The following UBAP1 variants were observed in gnomAD, a reference collection of about 807,000 sequenced individuals.
The protein encoded by UBAP1 is ubiquitin-associated protein 1.
In UBAP1, 5 loss-of-function variants were observed where a neutral mutation model predicts 39.0. The observed-to-expected ratio is 0.13, with a 90% CI of 0.07 to 0.27. The LOEUF is 0.27. UBAP1 is among the 10% of genes least tolerant of loss of function. UBAP1 has a pLI of 1.00. For synonymous variants in UBAP1, 211 were observed against 225.1 expected (o/e 0.94, Z 0.56); for missense variants, 490 against 608.1 (o/e 0.81, Z 2.04).
chr9:34,222,572 A>T (rs1386183039), intron 2 of UBAP1, among the ~76,000 whole-genome samples: 1 of 152,080 alleles, frequency 6.6e-6, no homozygotes, highest in Non-Finnish European at 1.5e-5. Context: ...AGGTGAGAGG[A>T]TCGCTTGAGG....
At chr9:34,185,124 G>T (rs1830327024) in intron 1 of UBAP1, among the ~76,000 whole-genome samples, 1 of 151,104 alleles carries the variant, frequency 6.6e-6, no homozygotes, top group Non-Finnish European at 1.5e-5. Flanking sequence ...AGTAGAGATG[G>T]TGTTTCACCT....
At chr9:34,244,126 T>C (rs4008744) in intron 4 of UBAP1, among the ~76,000 whole-genome samples, 106,587 of 152,094 alleles carry the variant, frequency 0.7, 39,395 homozygotes, top group East Asian at 0.95. Context: ...GGATTACAGG[T>C]GTGAGTCACC....
At position 34,204,366 on chromosome 9, in the gene UBAP1, G is replaced by A. The variant is rs146843052; in HGVS notation, c.-7-16542G>A. Among the ~76,000 whole-genome samples the A allele has an allele frequency of 6.1e-4, 92 of 151,986 alleles. 2 individuals carry two copies. Among genetic ancestry groups the A allele is most frequent in the Non-Finnish European group, 9.9e-4 (67 of 67,986 alleles). On this transcript the variant is annotated intron_variant, in intron 1 of 6. Transcript: ENST00000297661. ...GAGGAAAATAGTATCAAATAGTAAG[G>A]ATTTTCTTATAAAAAACAAAAAAAG...
At chr9:34,195,855 C>G (rs994115333) in intron 1 of UBAP1, among the ~76,000 whole-genome samples, 1 of 150,716 alleles carries the variant, frequency 6.6e-6, no homozygotes, top group Non-Finnish European at 1.5e-5. Context: ...CCTCGGCTTC[C>G]CAAAGTGCTG....
chr9:34,212,392 AACAC>A (rs35251034), intron 1 of UBAP1, among the ~76,000 whole-genome samples: 4,557 of 142,196 alleles, frequency 0.032, 152 homozygotes, highest in African/African-American at 0.089. Context: ...TTTCTATTAA[AACAC>A]ACACACACAC....
intron 6 of UBAP1, 80 bp downstream of exon 6, chr9:34,250,839 C>A: frequency 8.2e-7 from 1 of 1,219,676 alleles, no homozygotes; most frequent in Non-Finnish European, 1.2e-6. Flanking sequence ...CCTTGGCCCA[C>A]ACACAACCTT....
At chr9:34,244,145 C>A (rs947895427) in intron 4 of UBAP1, among the ~76,000 whole-genome samples, 1 of 152,174 alleles carries the variant, frequency 6.6e-6, no homozygotes, top group Non-Finnish European at 1.5e-5. Flanking sequence ...CCGCACACAG[C>A]CATTCTTTCT....
chr9:34,212,838 G>A (rs1408330171), intron 1 of UBAP1, among the ~76,000 whole-genome samples: 1 of 152,122 alleles, frequency 6.6e-6, no homozygotes, highest in Non-Finnish European at 1.5e-5. Flanking sequence ...AAGGAACCAT[G>A]CCTAATTCAT....
At chr9:34,243,731 C>G (rs895054605) in intron 4 of UBAP1, among the ~76,000 whole-genome samples, 1 of 151,966 alleles carries the variant, frequency 6.6e-6, no homozygotes, top group Non-Finnish European at 1.5e-5. Flanking sequence ...CTCAAGTGAT[C>G]CACCCGCCTC....
At chr9:34,202,805 A>G (rs1158789357) in intron 1 of UBAP1, among the ~76,000 whole-genome samples, 2 of 152,110 alleles carry the variant, frequency 1.3e-5, no homozygotes, top group African/African-American at 4.8e-5. Flanking sequence ...TAACCTGTCA[A>G]GTTATTTTTG....
intron 3 of UBAP1, among the ~76,000 whole-genome samples, chr9:34,238,189 A>AG (rs1447829903): frequency 6.6e-6 from 1 of 152,234 alleles, no homozygotes; most frequent in African/African-American, 2.4e-5. Flanking sequence ...ATGAGGTATT[A>AG]GTACTTCATT....
At chr9:34,250,843 C>A in intron 6 of UBAP1, 84 bp downstream of exon 6, 1 of 1,191,232 alleles carries the variant, frequency 8.4e-7, no homozygotes, top group Non-Finnish European at 1.2e-6. Context: ...GGCCCACACA[C>A]AACCTTTTTG....
intron 1 of UBAP1, among the ~76,000 whole-genome samples, chr9:34,186,994 G>T (rs1400856331): frequency 6.6e-6 from 1 of 151,968 alleles, no homozygotes; most frequent in Non-Finnish European, 1.5e-5. Context: ...TGCAGCCTCC[G>T]CCTCCTGGGT....
chr9:34,213,436 A>G (rs1166954082), intron 1 of UBAP1, among the ~76,000 whole-genome samples: 1 of 152,062 alleles, frequency 6.6e-6, no homozygotes, highest in Admixed American at 6.6e-5. Flanking sequence ...GCTTGAACCC[A>G]GGAGGTGGAA....
chr9:34,223,765 T>C (rs758908542), intron 2 of UBAP1, among the ~76,000 whole-genome samples: 31 of 152,340 alleles, frequency 2.0e-4, no homozygotes, highest in South Asian at 1.0e-3. Flanking sequence ...CAAAGTGTTA[T>C]TGTTTAAATG....
rs77082385 is a variant in UBAP1 at position 34,225,165 on chromosome 9, T to A, written c.34+4217T>A. Among the ~76,000 whole-genome samples the A allele has an allele frequency of 1.3e-3, 200 of 152,268 alleles. 3 individuals carry two copies. In the East Asian group the frequency reaches 0.028, roughly 21 times the overall value. ...ATGTGGGTAACTTTTCTGTGGCACT[T>A]GGGGTGTGGACAAGGAGGTAATAAC... On this transcript the variant is annotated intron_variant, in intron 2 of 6. Transcript: ENST00000297661.
chr9:34,250,864 G>A (rs1834462812), intron 6 of UBAP1, 105 bp downstream of exon 6: 2 of 906,960 alleles, frequency 2.2e-6, no homozygotes, highest in Admixed American at 2.0e-5. Context: ...CTTTGCCAGT[G>A]ACTACAGGTA....
At chr9:34,188,717 G>A (rs1830551442) in intron 1 of UBAP1, among the ~76,000 whole-genome samples, 1 of 152,116 alleles carries the variant, frequency 6.6e-6, no homozygotes, top group South Asian at 2.1e-4. Context: ...AGCACTTTGG[G>A]AGGCTGAGGC....
At chr9:34,193,830 G>C (rs1432660733) in intron 1 of UBAP1, among the ~76,000 whole-genome samples, 1 of 152,136 alleles carries the variant, frequency 6.6e-6, no homozygotes, top group Non-Finnish European at 1.5e-5. Context: ...GGGCTTTTGT[G>C]GAAGCTTCAT....
Sources: gnomAD v4.1 joint callset for allele counts (sites outside exome capture counted in the v4.1 genomes callset) on GRCh38, gnomAD v4.1.1 for gene constraint, MANE v1.5 for transcripts, NCBI Gene and HGNC (gene_info 2026-07-23, HGNC 2026-07-21) for gene names.